Variants in COX10 observed in about 807,000 individuals in gnomAD.
The protein encoded by COX10 is cytochrome c oxidase assembly factor heme A:farnesyltransferase COX10.
In COX10, 27 loss-of-function variants were observed where a neutral mutation model predicts 37.3. The ratio of observed to expected loss-of-function variants is 0.72; its 90% confidence interval spans 0.53 to 1.00. The LOEUF (loss-of-function observed/expected upper bound fraction) is 1.00, where lower values mean the gene tolerates loss of function less well. Among genes scored for constraint, COX10 ranks in the 50% least tolerant of loss-of-function variants. The pLI, the probability that COX10 is intolerant of heterozygous loss-of-function variation, is 0.00. For synonymous variants in COX10, 222 were observed against 229.1 expected (o/e 0.97, Z 0.28); for missense variants, 475 against 563.2 (o/e 0.84, Z 1.59).
intron 4 of COX10, among the ~76,000 whole-genome samples, chr17:14,128,554 T>A (rs1224897594): frequency 2.6e-5 from 4 of 152,214 alleles, no homozygotes; most frequent in African/African-American, 7.2e-5. Flanking sequence ...GTGCAAATTA[T>A]CCAGAATTCT....
At chr17:14,204,614 T>C (rs991130308) in intron 6 of COX10, among the ~76,000 whole-genome samples, 1 of 152,124 alleles carries the variant, frequency 6.6e-6, no homozygotes, top group African/African-American at 2.4e-5. Context: ...ATCTCCTGAT[T>C]GGTCCTTCCA....
chr17:14,186,400 G>T (rs1272614322), intron 5 of COX10, among the ~76,000 whole-genome samples: 1 of 151,864 alleles, frequency 6.6e-6, no homozygotes, highest in Non-Finnish European at 1.5e-5. Flanking sequence ...CCCACTGCCT[G>T]CAACTCTCTT....
At chr17:14,099,774 C>T in intron 3 of COX10, among the ~76,000 whole-genome samples, 1 of 152,048 alleles carries the variant, frequency 6.6e-6, no homozygotes, top group Non-Finnish European at 1.5e-5. Context: ...TCTCCAGTCT[C>T]TCAAGTCTCC....
chr17:14,121,291 A>G (rs1046242001), intron 4 of COX10, among the ~76,000 whole-genome samples: 9 of 152,224 alleles, frequency 5.9e-5, no homozygotes, highest in African/African-American at 2.2e-4. Flanking sequence ...TCTAAAAACC[A>G]TGGCAAGGAA....
chr17:14,139,764 G>C (rs1374145814), intron 4 of COX10, among the ~76,000 whole-genome samples: 1 of 152,054 alleles, frequency 6.6e-6, no homozygotes, highest in African/African-American at 2.4e-5. Context: ...AATTGTTTCA[G>C]CTTGCAGTGT....
At chr17:14,187,448 G>A (rs1906067229) in intron 5 of COX10, among the ~76,000 whole-genome samples, 1 of 152,060 alleles carries the variant, frequency 6.6e-6, no homozygotes, top group African/African-American at 2.4e-5. Flanking sequence ...ATAGCCTGGG[G>A]AAATTATTAA....
At chr17:14,155,841 C>A (rs1327727736) in intron 4 of COX10, among the ~76,000 whole-genome samples, 1 of 152,154 alleles carries the variant, frequency 6.6e-6, no homozygotes. Flanking sequence ...TTCATCTCCA[C>A]TGTCACAGCC....
intron 4 of COX10, among the ~76,000 whole-genome samples, chr17:14,125,969 A>G (rs1375163913): frequency 6.6e-6 from 1 of 152,214 alleles, no homozygotes; most frequent in East Asian, 1.9e-4. Context: ...CAAAGCCATC[A>G]GACAACCTCC....
intron 6 of COX10, among the ~76,000 whole-genome samples, chr17:14,202,085 T>TCC (rs1491161925): frequency 3.0e-5 from 1 of 33,220 alleles, no homozygotes; most frequent in African/African-American, 1.0e-4. Context: ...TTAAAACAGA[T>TCC]CTCTCTCTTT....
At chr17:14,072,999 C>CA (rs1338732408) in intron 1 of COX10, among the ~76,000 whole-genome samples, 1 of 152,164 alleles carries the variant, frequency 6.6e-6, no homozygotes, top group Non-Finnish European at 1.5e-5. Context: ...GAAAATTTGA[C>CA]AGAGTGGTGT....
chr17:14,097,996 A>G (rs1336813403), intron 3 of COX10, among the ~76,000 whole-genome samples: 1 of 152,192 alleles, frequency 6.6e-6, no homozygotes, highest in Non-Finnish European at 1.5e-5. Flanking sequence ...CATACTCATT[A>G]TAGATGTAAC....
intron 5 of COX10, among the ~76,000 whole-genome samples, chr17:14,185,712 G>T: frequency 6.8e-6 from 1 of 146,288 alleles, no homozygotes; most frequent in Non-Finnish European, 1.5e-5. Flanking sequence ...ATGTCTCATT[G>T]TATACAAATA....
chr17:14,173,816 A>G (rs534095537), intron 5 of COX10, among the ~76,000 whole-genome samples: 112 of 152,354 alleles, frequency 7.4e-4, no homozygotes, highest in African/African-American at 2.6e-3. Flanking sequence ...AATCTACAGA[A>G]AAGCTACTAG....
chr17:14,074,476 C>A lies in COX10; in HGVS notation c.177+20C>A. On this transcript the variant is annotated intron_variant, in intron 2 of 6. Transcript: ENST00000261643. ...CGCATGGTATGTTTAGAAGACCATTCTTACTCTGTTACTTTCTGCCTTTTT... is the reference window on the plus strand; with the variant it reads ...CGCATGGTATGTTTAGAAGACCATTATTACTCTGTTACTTTCTGCCTTTTT... 6.5e-7 allele frequency: 1 copy of A among 1,542,640 alleles called. No homozygotes were observed. Among genetic ancestry groups the A allele is most frequent in the Non-Finnish European group, 8.7e-7 (1 of 1,151,916 alleles).
chr17:14,100,943 AAGCATCCTC>A (rs1238202165), intron 3 of COX10, among the ~76,000 whole-genome samples: 1 of 152,108 alleles, frequency 6.6e-6, no homozygotes, highest in Non-Finnish European at 1.5e-5. Context: ...AGATGTTAAG[AAGCATCCTC>A]AGCCTTTATC....
In COX10 at chr17:14,207,406, G is replaced by A. The variant is rs1597552476; in HGVS notation, c.*193G>A. On this transcript the variant is annotated 3_prime_UTR_variant, in exon 7 of 7. Transcript: ENST00000261643. ...TGCTCCCCAAATAAGAAATGCATCAGCTCAGTCAGTGAATACAAAAAAGGA... is the reference window on the plus strand; with the variant it reads ...TGCTCCCCAAATAAGAAATGCATCAACTCAGTCAGTGAATACAAAAAAGGA... 2 of 711,568 alleles carry A rather than the reference G, an allele frequency of 2.8e-6. No homozygotes were observed. The highest frequency in any genetic ancestry group is 3.6e-5 in the African/African-American group (2 of 55,982). 44.1% of individuals were successfully genotyped at this position (711,568 alleles called of 1,614,324 possible).
intron 4 of COX10, among the ~76,000 whole-genome samples, chr17:14,134,586 A>G (rs1009968949): frequency 1.3e-5 from 2 of 151,854 alleles, no homozygotes; most frequent in Non-Finnish European, 3.0e-5. Flanking sequence ...AGGGACAGCA[A>G]GCACATAAAA....
At chr17:14,117,120 G>T (rs529898271) in intron 4 of COX10, among the ~76,000 whole-genome samples, 1 of 152,004 alleles carries the variant, frequency 6.6e-6, no homozygotes, top group Non-Finnish European at 1.5e-5. Context: ...CATATCTTTT[G>T]TCCATTTTAG....
intron 3 of COX10, among the ~76,000 whole-genome samples, chr17:14,085,888 ACT>A (rs913112769): frequency 2.6e-5 from 4 of 152,202 alleles, no homozygotes; most frequent in African/African-American, 7.2e-5. Flanking sequence ...CTTCTGAATA[ACT>A]CTGTCAATTC....
Sources: allele counts gnomAD v4.1 joint callset (sites outside exome capture counted in the v4.1 genomes callset), GRCh38; gene constraint gnomAD v4.1.1; transcripts MANE v1.5; gene names NCBI Gene and HGNC (gene_info 2026-07-23, HGNC 2026-07-21).